Variants in KLHL29 observed in about 807,000 individuals in gnomAD.
The protein encoded by KLHL29 is kelch like family member 29.
In KLHL29, 21 loss-of-function variants were observed where a neutral mutation model predicts 80.4. The observed-to-expected ratio is 0.26, with a 90% CI of 0.19 to 0.38. KLHL29 has a LOEUF of 0.38. Ranked by LOEUF, KLHL29 falls within the 10% of genes least tolerant of loss-of-function variation. The probability of loss-of-function intolerance (pLI) is 1.00; values close to 1 mark genes in which losing one functional copy is unlikely to be tolerated. For synonymous variants in KLHL29, 511 were observed against 526.8 expected, an observed-to-expected ratio of 0.97 and a Z score of 0.41; for missense variants, 867 against 1,223.9, an observed-to-expected ratio of 0.71 and a Z score of 4.35.
intron 2 of KLHL29, among the ~76,000 whole-genome samples, chr2:23,539,993 G>A (rs908085608): frequency 6.6e-6 from 1 of 152,110 alleles, no homozygotes; most frequent in Non-Finnish European, 1.5e-5. Flanking sequence ...CAGGGAACAG[G>A]TGTGCCGCCC....
At chr2:23,463,101 T>A (rs77653214) in intron 1 of KLHL29, among the ~76,000 whole-genome samples, 7 of 151,928 alleles carry the variant, frequency 4.6e-5, no homozygotes, top group African/African-American at 9.7e-5. Context: ...TTTTTTTTTT[T>A]AATCACTAGA....
intron 2 of KLHL29, among the ~76,000 whole-genome samples, chr2:23,520,483 T>G (rs901602932): frequency 1.3e-5 from 2 of 152,192 alleles, no homozygotes; most frequent in Non-Finnish European, 2.9e-5. Flanking sequence ...TGTGTTTGCT[T>G]GTGTTGGAAT....
chr2:23,527,965 C>A (rs960058286), intron 2 of KLHL29, among the ~76,000 whole-genome samples: 2 of 152,230 alleles, frequency 1.3e-5, no homozygotes, highest in Non-Finnish European at 2.9e-5. Flanking sequence ...CACCACCACC[C>A]CTCTGGGACC....
intron 2 of KLHL29, among the ~76,000 whole-genome samples, chr2:23,522,324 A>G (rs1472000740): frequency 2.0e-5 from 3 of 151,742 alleles, no homozygotes; most frequent in African/African-American, 7.3e-5. Flanking sequence ...TAATTTTTGT[A>G]TTTTTAGTAG....
At chr2:23,588,566 T>G (rs899383012) in intron 3 of KLHL29, among the ~76,000 whole-genome samples, 1 of 152,232 alleles carries the variant, frequency 6.6e-6, no homozygotes, top group Non-Finnish European at 1.5e-5. Context: ...AGTGTGGTGC[T>G]TCTTAGACTG....
intron 1 of KLHL29, among the ~76,000 whole-genome samples, chr2:23,430,851 C>T (rs942224538): frequency 3.3e-5 from 5 of 152,162 alleles, no homozygotes; most frequent in Non-Finnish European, 7.3e-5. Flanking sequence ...AACCGAGGCC[C>T]AGAGGCAAAA....
intron 2 of KLHL29, among the ~76,000 whole-genome samples, chr2:23,491,148 A>G (rs1280835499): frequency 6.6e-6 from 1 of 152,028 alleles, no homozygotes; most frequent in Admixed American, 6.6e-5. Flanking sequence ...AGATTCTAGT[A>G]TGAAACTCAG....
intron 3 of KLHL29, among the ~76,000 whole-genome samples, chr2:23,573,154 T>C (rs574489092): frequency 4.5e-4 from 68 of 152,358 alleles, no homozygotes; most frequent in African/African-American, 1.6e-3. Flanking sequence ...GCAGTTACTG[T>C]GCCCTTCCCA....
At chr2:23,419,811 G>A (rs570459995) in intron 1 of KLHL29, among the ~76,000 whole-genome samples, 6 of 152,066 alleles carry the variant, frequency 3.9e-5, no homozygotes, top group Non-Finnish European at 8.8e-5. Context: ...CCACTCAGGC[G>A]ATTCTGTTCC....
intron 3 of KLHL29, among the ~76,000 whole-genome samples, chr2:23,597,176 A>T (rs955640367): frequency 6.6e-6 from 1 of 151,344 alleles, no homozygotes; most frequent in Non-Finnish European, 1.5e-5. Flanking sequence ...TAATAGGTAG[A>T]GAGATTGAGG....
At chr2:23,419,612 G>T (rs960883394) in intron 1 of KLHL29, among the ~76,000 whole-genome samples, 2 of 152,184 alleles carry the variant, frequency 1.3e-5, no homozygotes, top group African/African-American at 4.8e-5. Flanking sequence ...GCTCTATTCA[G>T]AATAGATTTT....
chr2:23,485,926 A>G (rs962924406), intron 2 of KLHL29, among the ~76,000 whole-genome samples: 1 of 152,242 alleles, frequency 6.6e-6, no homozygotes, highest in Non-Finnish European at 1.5e-5. Flanking sequence ...TGCTCTTATT[A>G]TTCTAAAAGA....
intron 2 of KLHL29, among the ~76,000 whole-genome samples, chr2:23,480,657 A>G (rs1664775803): frequency 6.6e-6 from 1 of 152,250 alleles, no homozygotes. Context: ...GATGGGAGTT[A>G]TAAAGAGTTT....
intron 1 of KLHL29, among the ~76,000 whole-genome samples, chr2:23,392,672 C>T (rs886453221): frequency 5.3e-5 from 8 of 152,196 alleles, no homozygotes; most frequent in African/African-American, 1.7e-4. Flanking sequence ...AACCTAGCCA[C>T]GTTGTTCAGC....
chr2:23,500,794 A>G (rs1460422110), intron 2 of KLHL29, among the ~76,000 whole-genome samples: 6 of 152,248 alleles, frequency 3.9e-5, no homozygotes, highest in Admixed American at 3.9e-4. Flanking sequence ...CCTTGCGACA[A>G]TTTATAAAAG....
At chr2:23,498,925 G>A (rs978082367) in intron 2 of KLHL29, among the ~76,000 whole-genome samples, 3 of 152,174 alleles carry the variant, frequency 2.0e-5, no homozygotes, top group Non-Finnish European at 4.4e-5. Flanking sequence ...CAGAGCCTAC[G>A]GAGCTCTCAG....
chr2:23,570,585 C>T (rs1316389527), intron 3 of KLHL29, among the ~76,000 whole-genome samples: 7 of 152,194 alleles, frequency 4.6e-5, no homozygotes, highest in Admixed American at 4.6e-4. Context: ...CCCCAGGTTG[C>T]CAGCAGGTAG....
At chr2:23,577,618 G>A (rs2103506845) in intron 3 of KLHL29, among the ~76,000 whole-genome samples, 1 of 151,272 alleles carries the variant, frequency 6.6e-6, no homozygotes, top group East Asian at 2.0e-4. Flanking sequence ...CGTGGTGTTG[G>A]GCACCTGTAA....
At chr2:23,639,094 G>A (rs1473290896) in intron 3 of KLHL29, 45 bp from the exon 4 acceptor site, 11 of 1,479,768 alleles carry the variant, frequency 7.4e-6, no homozygotes, top group Non-Finnish European at 9.8e-6. Context: ...TCTGGAGGCT[G>A]GTCTCTGGCC....
Sources: gnomAD v4.1 joint callset for allele counts (sites outside exome capture counted in the v4.1 genomes callset) on GRCh38, gnomAD v4.1.1 for gene constraint, MANE v1.5 for transcripts, NCBI Gene and HGNC (gene_info 2026-07-23, HGNC 2026-07-21) for gene names.